SYT7: variants seen among roughly 807,000 people sequenced by gnomAD.
The protein encoded by SYT7 is synaptotagmin 7.
Under a neutral mutation model 75.1 loss-of-function variants are expected in SYT7, and 29 were observed. The observed-to-expected ratio is 0.39, with a 90% confidence interval of 0.29 to 0.53. SYT7 has a LOEUF of 0.53. SYT7 is among the 20% of genes least tolerant of loss of function. The pLI is 0.77. For missense variants in SYT7, 693 were observed against 953.2 expected (o/e 0.73, Z 3.59); for synonymous variants, 376 against 401.7 (o/e 0.94, Z 0.76).
chr11:61,554,741 C>G (rs1428978572), intron 2 of SYT7, among the ~76,000 whole-genome samples: 1 of 152,204 alleles, frequency 6.6e-6, no homozygotes, highest in African/African-American at 2.4e-5. Flanking sequence ...CTGAGACAGA[C>G]GCAGACACAG....
At chr11:61,572,039 C>G (rs541766327) in intron 1 of SYT7, among the ~76,000 whole-genome samples, 6 of 152,200 alleles carry the variant, frequency 3.9e-5, no homozygotes, top group Admixed American at 3.9e-4. Flanking sequence ...TATTTTTAGG[C>G]CTCAGCTGAC....
Position 61,527,945 on chromosome 11 carries a change from G to A in SYT7, c.1441C>T (p.Pro481Ser), listed in dbSNP as rs767362132. The A allele has an allele frequency of 1.2e-6, 2 of 1,614,144 alleles. No individual in the cohort carries two copies. Among genetic ancestry groups the A allele is most frequent in the South Asian group, 1.1e-5 (1 of 91,072 alleles). ...AAGAGGAAGGTCTCGTTCCAGTGGG[G>A]GTTCAGGTTCTTCCGCTTCACCTTG... ...ETKVKRKNLNPHWNETFLFEG... is the reference protein window; with the variant it reads ...ETKVKRKNLNSHWNETFLFEG... The change falls in exon 9 of 13, where the codon CCC becomes TCC. Residue 481 changes from proline (P) to serine (S), a missense_variant. Physicochemically the swap from Pro to Ser is moderately conservative, Grantham distance 74. Around this residue, in one of 2 missense-constraint regions of SYT7, gnomAD observed 206 missense variants for 360.0 expected, o/e 0.57. Transcript: ENST00000539008.
upstream of SYT7, among the ~76,000 whole-genome samples, chr11:61,581,334 G>GA (rs1158080594): frequency 6.6e-6 from 1 of 150,760 alleles, no homozygotes; most frequent in African/African-American, 2.4e-5. Context: ...CGAGCCCCAC[G>GA]GCCGGGCTCG....
At chr11:61,565,052 T>C (rs2063732122) in intron 1 of SYT7, among the ~76,000 whole-genome samples, 1 of 151,656 alleles carries the variant, frequency 6.6e-6, no homozygotes, top group Admixed American at 6.6e-5. Context: ...CTGCTGGGGG[T>C]GGTTGGGGCT....
At chr11:61,572,121 G>A (rs570143673) in intron 1 of SYT7, among the ~76,000 whole-genome samples, 2 of 152,174 alleles carry the variant, frequency 1.3e-5, no homozygotes, top group African/African-American at 2.4e-5. Context: ...GAGGTTGGGG[G>A]GGGGGCACAC....
Position 61,517,476 on chromosome 11 carries a change from C to T in SYT7, c.*1151G>A, listed in dbSNP as rs940425954. On this transcript the variant is annotated 3_prime_UTR_variant, in exon 13 of 13. Coordinates refer to ENST00000539008, the MANE Select transcript of SYT7 (RefSeq NM_001365809.2). ...TCAGGTGATGGACGATCAGAGACCA[C>T]GCACGATGAGACGGAATGAATGGAA... The T allele has an allele frequency of 5.0e-5, 20 of 398,596 alleles. No homozygotes were observed. In the East Asian group the frequency reaches 5.7e-4, roughly 11 times the overall value. 24.7% of individuals were successfully genotyped at this position (398,596 alleles called of 1,614,324 possible).
chr11:61,566,013 G>A (rs2063757056), intron 1 of SYT7, among the ~76,000 whole-genome samples: 2 of 152,266 alleles, frequency 1.3e-5, no homozygotes, highest in Admixed American at 1.3e-4. Context: ...AGCCGTTCCG[G>A]CAAGAAATTG....
At chr11:61,543,870 G>A (rs1452788605) in intron 5 of SYT7, among the ~76,000 whole-genome samples, 2 of 152,176 alleles carry the variant, frequency 1.3e-5, no homozygotes, top group Non-Finnish European at 2.9e-5. Flanking sequence ...AGCAGCTTTG[G>A]GTGAATCATT....
rs375293404 is a variant in SYT7 at position 61,553,175 on chromosome 11, C to T, written c.136-1712G>A. ...TCACAGCTCCAACTCCGATCCCTCC[C>T]ATCACTACCCAGAGGTCCAAATCTC... On this transcript the variant is annotated intron_variant, in intron 2 of 12. Coordinates refer to ENST00000539008, the MANE Select transcript of SYT7 (RefSeq NM_001365809.2). This position sits in a 1 kb window ranked among gnomAD's most constrained non-coding sequence, Gnocchi z 5.2. Among the ~76,000 whole-genome samples, 15 of 152,344 alleles carry T rather than the reference C, an allele frequency of 9.8e-5. No homozygotes were observed. The South Asian group carries it at 3.1e-3, about 32-fold the overall frequency.
At chr11:61,547,009 G>A (rs1046370767) in intron 4 of SYT7, among the ~76,000 whole-genome samples, 168 bp downstream of exon 4, 2 of 151,766 alleles carry the variant, frequency 1.3e-5, no homozygotes, top group Admixed American at 6.6e-5. Flanking sequence ...GGGGTTGCTC[G>A]TCTCCATGGT....
intron 2 of SYT7, among the ~76,000 whole-genome samples, chr11:61,552,962 G>A (rs1442705722): frequency 1.3e-5 from 2 of 152,202 alleles, no homozygotes; most frequent in African/African-American, 4.8e-5. Context: ...CAGAGGCAAG[G>A]CTGTGGGTTT....
In SYT7 at chr11:61,566,271, CCCTCA is replaced by C. The variant is rs561809036; in HGVS notation, c.32-10069_32-10065del. ...TGATGGTATCTTCTGCTCAGTGACC[CCCTCA>C]CCTCACCTCACCTCACCTCACCACA... On this transcript the variant is annotated intron_variant, in intron 1 of 12. Transcript: ENST00000539008. Among the ~76,000 whole-genome samples the C allele has an allele frequency of 1.4e-3, 213 of 152,194 alleles. 5 individuals carry two copies. The South Asian group carries it at 0.03, about 22-fold the overall frequency.
intron 7 of SYT7, 137 bp from the exon 8 acceptor site, chr11:61,533,261 A>G: frequency 1.4e-6 from 2 of 1,428,970 alleles, no homozygotes; most frequent in South Asian, 1.5e-5. Flanking sequence ...GCGGTACTCC[A>G]GTCCACGTGG....
chr11:61,544,265 C>T (rs1303825100), intron 5 of SYT7, among the ~76,000 whole-genome samples: 2 of 152,180 alleles, frequency 1.3e-5, no homozygotes, highest in African/African-American at 4.8e-5. Context: ...ACCTTCACCA[C>T]CGCAACCAGA....
At position 61,514,291 on chromosome 11, in the gene SYT7, C is replaced by CG. The variant is rs1433836434; in HGVS notation, c.*4335dup. On this transcript the variant is annotated 3_prime_UTR_variant, in exon 13 of 13. Coordinates refer to ENST00000539008, the MANE Select transcript of SYT7 (RefSeq NM_001365809.2). ...GCCCCTGAGGCTACTTACCTGACCCCGGGGCTTCCTCTGATCTCTGGAACA... is the reference window on the plus strand; with the variant it reads ...GCCCCTGAGGCTACTTACCTGACCCCGGGGGCTTCCTCTGATCTCTGGAACA... Among the ~76,000 whole-genome samples, 1 of 152,098 alleles carries CG rather than the reference C, an allele frequency of 6.6e-6. No individual in the cohort carries two copies. The highest frequency in any genetic ancestry group is 1.5e-5 in the Non-Finnish European group (1 of 68,016).
chr11:61,554,401 C>G (rs780750850), intron 2 of SYT7, among the ~76,000 whole-genome samples: 4 of 152,114 alleles, frequency 2.6e-5, no homozygotes, highest in Non-Finnish European at 5.9e-5. Context: ...TGAGTTGATG[C>G]ACATCCCACC....
rs2063408562 is a variant in SYT7, at chr11:61,553,437, C to T, written c.136-1974G>A. On this transcript the variant is annotated intron_variant, in intron 2 of 12. Transcript: ENST00000539008. This position sits in a 1 kb window ranked among gnomAD's most constrained non-coding sequence, Gnocchi z 5.2. Reference sequence around the variant, plus strand: ...GCCAGCACCCTCTCGTAAGGCAGGGCCGCTGCCCCTTCCCCGAGGCCAGGA... The same window carrying T: ...GCCAGCACCCTCTCGTAAGGCAGGGTCGCTGCCCCTTCCCCGAGGCCAGGA... Among the ~76,000 whole-genome samples the T allele has an allele frequency of 1.3e-5, 2 of 152,222 alleles. No homozygotes were observed. The highest frequency in any genetic ancestry group is 4.8e-5 in the African/African-American group (2 of 41,464).
At chr11:61,541,957 AG>A (rs1389933442) in intron 6 of SYT7, among the ~76,000 whole-genome samples, 2 of 152,176 alleles carry the variant, frequency 1.3e-5, no homozygotes, top group Non-Finnish European at 2.9e-5. Context: ...TCCACCTTTT[AG>A]GGGGAACTTC....
chr11:61,587,739 A>G, the SYT7 span, among the ~76,000 whole-genome samples: 2 of 152,264 alleles, frequency 1.3e-5, no homozygotes, highest in Admixed American at 6.5e-5. Flanking sequence ...GGGCGCCCCC[A>G]ACATTGAAGT....
Sources: gnomAD v4.1 joint callset for allele counts (sites outside exome capture counted in the v4.1 genomes callset) on GRCh38, gnomAD v4.1.1 for gene constraint, gnomAD v4.1.1 regional missense constraint, Gnocchi (gnomAD v3.1) non-coding constraint, MANE v1.5 for transcripts, NCBI Gene and HGNC (gene_info 2026-07-23, HGNC 2026-07-21) for gene names.